The following FAN1 variants were observed in gnomAD, a reference collection of about 807,000 sequenced individuals.
FAN1 encodes FANCD2 and FANCI associated nuclease 1.
Under a neutral mutation model 104.9 loss-of-function variants are expected in FAN1, and 91 were observed. The ratio of observed to expected loss-of-function variants is 0.87; its 90% CI spans 0.73 to 1.03. The LOEUF (loss-of-function observed/expected upper bound fraction) is 1.03. FAN1 is among the 50% of genes least tolerant of loss of function. FAN1 has a pLI of 0.00. For synonymous variants in FAN1, 478 were observed against 457.6 expected (o/e 1.04, Z -0.57); for missense variants, 1,263 against 1,239.9 (o/e 1.02, Z -0.28).
intron 4 of FAN1, 77 bp from the exon 5 acceptor site, chr15:30,913,781 G>A: frequency 1.1e-6 from 1 of 946,752 alleles, no homozygotes; most frequent in South Asian, 1.6e-5. Context: ...CTTTATTTTA[G>A]ATGAAAATAA....
At chr15:30,918,419 T>A in intron 6 of FAN1, 124 bp downstream of exon 6, 1 of 951,358 alleles carries the variant, frequency 1.1e-6, no homozygotes, top group Non-Finnish European at 1.6e-6. Context: ...GCTGTGGAAT[T>A]GAATTTTGTG....
chr15:30,905,002 A>G lies in FAN1; in HGVS notation c.339A>G (p.Gln113=), dbSNP rs535894731. 1 of 1,614,104 alleles carries G rather than the reference A, an allele frequency of 6.2e-7. No homozygotes were observed. The highest frequency in any genetic ancestry group is 1.3e-5 in the African/African-American group (1 of 75,052). The change falls in exon 2 of 15, where the codon CAA becomes CAG. Residue 113 remains glutamine, a synonymous_variant. Transcript: ENST00000362065. The part of the protein sequence containing the change: ...PPPKTNLTPG[Q]SDSAKREVKQ... ...CAAAGACAAATTTAACCCCTGGCCAAAGTGATTCAGCAAAAAGGGAAGTAA... is the reference window on the plus strand; with the variant it reads ...CAAAGACAAATTTAACCCCTGGCCAGAGTGATTCAGCAAAAAGGGAAGTAA...
intron 10 of FAN1, chr15:30,926,598 T>G (rs1256741997): frequency 2.0e-6 from 2 of 984,364 alleles, no homozygotes; most frequent in East Asian, 2.3e-4. Flanking sequence ...AATATCTTTA[T>G]TACTTACAGG....
chr15:30,934,580 C>T (rs1045169932), intron 13 of FAN1, among the ~76,000 whole-genome samples: 1 of 152,116 alleles, frequency 6.6e-6, no homozygotes, highest in African/African-American at 2.4e-5. Flanking sequence ...GGGGTTCCAC[C>T]ATGTTGCCCA....
At position 30,942,233 on chromosome 15, in the gene FAN1, C is replaced by G; in HGVS notation, c.*671C>G. On this transcript the variant is annotated 3_prime_UTR_variant, in exon 15 of 15. Transcript: ENST00000362065. ...TTGTGTCCTTATTCTAATCCTCCTC[C>G]CCTGGAATTACACTTTTTTATGTGT... 1.1e-6 allele frequency: 1 copy of G among 903,622 alleles called. No homozygotes were observed. Among genetic ancestry groups the G allele is most frequent in the Non-Finnish European group, 1.7e-6 (1 of 600,866 alleles). 56.0% of individuals were successfully genotyped at this position (903,622 alleles called of 1,614,324 possible). A position where few individuals can be genotyped will look rare whatever the true frequency, so the allele number is the denominator to read the frequency against.
At chr15:30,929,490 G>T in intron 12 of FAN1, 93 bp downstream of exon 12, 4 of 839,842 alleles carry the variant, frequency 4.8e-6, no homozygotes, top group Non-Finnish European at 7.4e-6. Flanking sequence ...ACACATGTGT[G>T]TATATGTAAA....
At chr15:30,925,664 G>A (rs2062442668) in intron 9 of FAN1, 125 bp from the exon 10 acceptor site, 2 of 1,084,944 alleles carry the variant, frequency 1.8e-6, no homozygotes, top group South Asian at 1.4e-5. Context: ...TGAGCCCCAC[G>A]CTGTGTGCTC....
chr15:30,926,091 C>T, intron 10 of FAN1, 152 bp downstream of exon 10: 1 of 762,558 alleles, frequency 1.3e-6, no homozygotes, highest in Non-Finnish European at 2.1e-6. Context: ...CTATTCTTCC[C>T]CTTATCAATG....
intron 9 of FAN1, 103 bp downstream of exon 9, chr15:30,925,394 G>A: frequency 8.9e-7 from 1 of 1,129,218 alleles, no homozygotes; most frequent in Non-Finnish European, 1.3e-6. Context: ...TTTTCTTTTA[G>A]ACTCGGAATA....
intron 2 of FAN1, chr15:30,906,439 A>T (rs1476982806): frequency 4.4e-6 from 2 of 456,786 alleles, no homozygotes; most frequent in Admixed American, 2.3e-5. Context: ...AAATTGGTAC[A>T]TTAAAAATAC....
At chr15:30,921,968 A>G (rs947833232) in intron 7 of FAN1, among the ~76,000 whole-genome samples, 1 of 152,178 alleles carries the variant, frequency 6.6e-6, no homozygotes, top group South Asian at 2.1e-4. Flanking sequence ...TGGTTTGCAG[A>G]TAACACTCTG....
In FAN1 at chr15:30,925,847, T is replaced by G; in HGVS notation, c.2396T>G (p.Met799Arg). ...QRGMCKSVFV[M>R]EAGEAADPTT... ...GGGATGTGCAAGTCTGTGTTTGTGA[T>G]GGAGGCCGGGGAGGCCGCTGACCCC... The change falls in exon 10 of 15, where the codon ATG becomes AGG. Residue 799 changes from methionine to arginine, a missense_variant. Physicochemically the swap from Met to Arg is moderately conservative, Grantham distance 91. Around this residue, in one of 2 missense-constraint regions of FAN1, gnomAD observed 581 missense variants for 668.8 expected, o/e 0.87. Transcript: ENST00000362065. 1 of 1,614,254 alleles carries G rather than the reference T, an allele frequency of 6.2e-7. No homozygotes were observed. The highest frequency in any genetic ancestry group is 8.5e-7 in the Non-Finnish European group (1 of 1,180,048).
Position 30,904,011 on chromosome 15 carries a change from G to C in FAN1, c.-153G>C, listed in dbSNP as rs1266075766. 6.6e-6 allele frequency: 1 copy of C among 152,296 alleles called. No homozygotes were observed. The highest frequency in any genetic ancestry group is 1.5e-5 in the Non-Finnish European group (1 of 68,174). The allele number at this position is 152,296 out of a possible 1,614,324, so 9.4% of individuals were successfully genotyped here. The stretch of plus-strand genomic sequence containing the variant: ...GCTCGGGCTCAGTCGCGTGGCCCCA[G>C]GTGCGCGTCCCAGGTGCGCGGCCTT... On this transcript the variant is annotated splice_region_variant and 5_prime_UTR_variant, in exon 1 of 15. Transcript: ENST00000362065.
chr15:30,927,793 C>T (rs1297216782), intron 10 of FAN1: 1 of 985,666 alleles, frequency 1.0e-6, no homozygotes, highest in Non-Finnish European at 1.2e-6. Flanking sequence ...GCTGGATGAG[C>T]TGGGGCTTGC....
chr15:30,930,724 T>A, intron 13 of FAN1, 53 bp downstream of exon 13: 2 of 1,598,430 alleles, frequency 1.3e-6, no homozygotes, highest in South Asian at 1.1e-5. Context: ...AGCAACTGAA[T>A]CAGAGGCCAC....
At chr15:30,921,939 C>T (rs774645587) in intron 7 of FAN1, among the ~76,000 whole-genome samples, 6 of 152,150 alleles carry the variant, frequency 3.9e-5, no homozygotes, top group Non-Finnish European at 5.9e-5. Context: ...TGACCCTGTG[C>T]GACTCTGCAC....
At chr15:30,912,724 C>G (rs2062124561) in intron 4 of FAN1, among the ~76,000 whole-genome samples, 1 of 152,214 alleles carries the variant, frequency 6.6e-6, no homozygotes, top group African/African-American at 2.4e-5. Flanking sequence ...CATCTGGAGA[C>G]ATTTTTGGTT....
intron 5 of FAN1, among the ~76,000 whole-genome samples, chr15:30,917,105 A>G (rs1006947707): frequency 2.6e-5 from 4 of 152,164 alleles, no homozygotes; most frequent in African/African-American, 4.8e-5. Context: ...GTGAATGTGT[A>G]TGAGGCAGTT....
chr15:30,934,539 A>C (rs1052357226), intron 13 of FAN1, among the ~76,000 whole-genome samples: 4 of 151,806 alleles, frequency 2.6e-5, no homozygotes, highest in African/African-American at 9.7e-5. Context: ...ATGCCTGGCT[A>C]ATTTTTGTGG....
Sources: allele counts gnomAD v4.1 joint callset (sites outside exome capture counted in the v4.1 genomes callset), GRCh38; gene constraint gnomAD v4.1.1; regional missense constraint gnomAD v4.1.1; transcripts MANE v1.5; gene names NCBI Gene and HGNC (gene_info 2026-07-23, HGNC 2026-07-21).